The following DNAH9 variants were observed in gnomAD, a reference collection of about 807,000 sequenced individuals.
The protein encoded by DNAH9 is dynein axonemal heavy chain 9, also known as DNAH9 variant protein.
In DNAH9, 345 loss-of-function variants were observed where a neutral mutation model predicts 471.6. That is an observed-to-expected ratio of 0.73 (90% CI 0.67 to 0.80). The LOEUF (loss-of-function observed/expected upper bound fraction) is 0.80. Ranked by LOEUF, DNAH9 falls within the 30% of genes least tolerant of loss-of-function variation. The pLI, the probability that DNAH9 is intolerant of heterozygous loss-of-function variation, is 0.00. For missense variants in DNAH9, 5,407 were observed against 5,609.2 expected, an observed-to-expected ratio of 0.96 and a Z score of 1.15; for synonymous variants, 2,093 against 2,123.6, an observed-to-expected ratio of 0.99 and a Z score of 0.40.
rs1331264630 is a variant in DNAH9, at chr17:11,640,328, G to A, written c.1845G>A (p.Gln615=). ...TGGCTGGCGGCCTCCGCTGGGCACA[G>A]GAGCTGAGGCAGCGCATCCAGGGTC... ...PTVAGGLRWA[Q]ELRQRIQGPF... is the part of the protein sequence containing the mutation. Residue 615 remains glutamine, a synonymous_variant, in exon 10 of 69, where the codon CAG becomes CAA. Coordinates refer to ENST00000262442, the MANE Select transcript of DNAH9 (RefSeq NM_001372.4). 1.9e-6 allele frequency: 3 copies of A among 1,614,010 alleles called. No homozygotes were observed. The highest frequency in any genetic ancestry group is 2.5e-6 in the Non-Finnish European group (3 of 1,179,984).
intron 37 of DNAH9, 95 bp from the exon 38 acceptor site, chr17:11,769,027 G>T: frequency 7.6e-7 from 1 of 1,312,162 alleles, no homozygotes; most frequent in Non-Finnish European, 1.1e-6. Flanking sequence ...CCATCGTGAC[G>T]GAATCCCCTG....
intron 24 of DNAH9, 60 bp downstream of exon 24, chr17:11,701,307 C>G: frequency 1.9e-6 from 3 of 1,576,408 alleles, no homozygotes; most frequent in Non-Finnish European, 2.6e-6. Context: ...CCGCAGCCTC[C>G]CCCAGCCTTC....
chr17:11,647,167 C>G lies in DNAH9; in HGVS notation c.2066C>G (p.Thr689Arg). ...SQPLLKRDPE[T>R]KEITINFNPQ... ...CCACTTCTAAAACGTGACCCAGAGA[C>G]GAAGGAGATCACTATCAACTTTAAC... The change falls in exon 12 of 69, where the codon ACG becomes AGG. Residue 689 changes from threonine (T) to arginine (R), a missense_variant. Coordinates refer to ENST00000262442, the MANE Select transcript of DNAH9 (RefSeq NM_001372.4). 6.2e-7 allele frequency: 1 copy of G among 1,613,908 alleles called. No individual in the cohort carries two copies. Among genetic ancestry groups the G allele is most frequent in the Non-Finnish European group, 8.5e-7 (1 of 1,179,852 alleles).
chr17:11,961,658 C>G (rs1159878599), intron 67 of DNAH9, among the ~76,000 whole-genome samples: 1 of 152,144 alleles, frequency 6.6e-6, no homozygotes, highest in Non-Finnish European at 1.5e-5. Context: ...TTTCAAGGAC[C>G]AGCTTCTGTG....
intron 27 of DNAH9, among the ~76,000 whole-genome samples, chr17:11,725,547 G>T (rs1175562298): frequency 6.7e-6 from 1 of 149,532 alleles, no homozygotes; most frequent in Non-Finnish European, 1.5e-5. Flanking sequence ...GTGAAAGGTG[G>T]GTTTTATTTT....
Position 11,874,941 on chromosome 17 carries a change from T to C in DNAH9, c.10243-8T>C, listed in dbSNP as rs780104620. Reference sequence around the variant, plus strand: ...TCTGAGCGTGGGGTGGTGTTTCTTCTTCACCAGACTCCCATTCCAGTCACC... The same window carrying C: ...TCTGAGCGTGGGGTGGTGTTTCTTCCTCACCAGACTCCCATTCCAGTCACC... On this transcript the variant is annotated splice_region_variant and splice_polypyrimidine_tract_variant and intron_variant, in intron 52 of 68. Coordinates refer to ENST00000262442, the MANE Select transcript of DNAH9 (RefSeq NM_001372.4). 1 of 1,607,478 alleles carries C rather than the reference T, an allele frequency of 6.2e-7. No homozygotes were observed. The highest frequency in any genetic ancestry group is 8.5e-7 in the Non-Finnish European group (1 of 1,174,318).
At chr17:11,647,655 T>C (rs766042948) in intron 12 of DNAH9, among the ~76,000 whole-genome samples, 4 of 152,188 alleles carry the variant, frequency 2.6e-5, no homozygotes, top group Admixed American at 1.3e-4. Flanking sequence ...ATTGACTAGA[T>C]GCTGGAGGGC....
chr17:11,927,520 C>T (rs1974373356), intron 62 of DNAH9, among the ~76,000 whole-genome samples: 1 of 152,166 alleles, frequency 6.6e-6, no homozygotes, highest in Non-Finnish European at 1.5e-5. Context: ...GGAATCCTTT[C>T]GCCATTGCTT....
At chr17:11,792,942 T>C (rs1426388840) in intron 41 of DNAH9, among the ~76,000 whole-genome samples, 1 of 152,198 alleles carries the variant, frequency 6.6e-6, no homozygotes, top group African/African-American at 2.4e-5. Flanking sequence ...CATGGGATCA[T>C]CATGAGTATT....
chr17:11,636,715 A>C lies in DNAH9; in HGVS notation c.1717A>C (p.Met573Leu). 6.2e-7 allele frequency: 1 copy of C among 1,614,022 alleles called. No individual in the cohort carries two copies. The highest frequency in any genetic ancestry group is 8.5e-7 in the Non-Finnish European group (1 of 1,179,882). Reference sequence around the variant, plus strand: ...TGATAAATACCTGGTCCTCATCCAAATGTTCAACAAAGATCTGGATGCAGT... The same window carrying C: ...TGATAAATACCTGGTCCTCATCCAACTGTTCAACAAAGATCTGGATGCAGT... Reference protein sequence around the residue: ...TSDKYLVLIQMFNKDLDAVRM... With the variant: ...TSDKYLVLIQLFNKDLDAVRM... Residue 573 changes from methionine to leucine, a missense_variant, in exon 9 of 69, where the codon ATG becomes CTG. Physicochemically the swap from Met to Leu is conservative, Grantham distance 15. Transcript: ENST00000262442.
chr17:11,620,341 T>C (rs918635183), intron 6 of DNAH9, among the ~76,000 whole-genome samples: 3 of 151,396 alleles, frequency 2.0e-5, no homozygotes, highest in Non-Finnish European at 2.9e-5. Flanking sequence ...GGCGAAATCC[T>C]GTCTCTACTA....
At chr17:11,633,678 A>G (rs189081829) in intron 8 of DNAH9, among the ~76,000 whole-genome samples, 2 of 152,318 alleles carry the variant, frequency 1.3e-5, no homozygotes, top group Non-Finnish European at 2.9e-5. Flanking sequence ...TGTGTCTACA[A>G]AATGATCATG....
At chr17:11,808,871 T>G (rs1969785936) in intron 44 of DNAH9, among the ~76,000 whole-genome samples, 1 of 152,108 alleles carries the variant, frequency 6.6e-6, no homozygotes, top group Admixed American at 6.6e-5. Flanking sequence ...ATGATTCCAA[T>G]GAGAACTGAG....
rs1222435717 is a variant in DNAH9, at chr17:11,677,735, T to C, written c.3354-2022T>C. On this transcript the variant is annotated intron_variant, in intron 17 of 68. Transcript: ENST00000262442. ...TTCCTTTTTTGTCTGCTTTGGGGTA[T>C]AATTTTTCATGTTTTCTTTTATTTT... Among the ~76,000 whole-genome samples the C allele has an allele frequency of 4.6e-5, 7 of 152,120 alleles. No individual in the cohort carries two copies. In the South Asian group the frequency reaches 6.2e-4, roughly 14 times the overall value.
rs1222000160 is a variant in DNAH9 at position 11,881,247 on chromosome 17, C to T, written c.10640C>T (p.Pro3547Leu). The change falls in exon 55 of 69, where the codon CCC becomes CTC. Residue 3547 changes from proline (P) to leucine (L), a missense_variant. Pro to Leu is a moderately conservative substitution (Grantham distance 98, BLOSUM62 -3). Coordinates refer to ENST00000262442, the MANE Select transcript of DNAH9 (RefSeq NM_001372.4). Reference sequence around the variant, plus strand: ...GGAGACAAAGAATGTGAATACAATCCCAAGTTCCGGCTCATCCTCCACACC... The same window carrying T: ...GGAGACAAAGAATGTGAATACAATCTCAAGTTCCGGCTCATCCTCCACACC... ...KIGDKECEYNPKFRLILHTKL... is the reference protein window; with the variant it reads ...KIGDKECEYNLKFRLILHTKL... 6.2e-7 allele frequency: 1 copy of T among 1,614,100 alleles called. No individual in the cohort carries two copies. The highest frequency in any genetic ancestry group is 1.1e-5 in the South Asian group (1 of 91,076).
At chr17:11,640,011 T>C (rs549764091) in intron 9 of DNAH9, among the ~76,000 whole-genome samples, 20 of 152,220 alleles carry the variant, frequency 1.3e-4, no homozygotes, top group African/African-American at 4.8e-4. Context: ...GAAACACTCA[T>C]GGCTGGGCCC....
At chr17:11,871,897 C>A in intron 52 of DNAH9, 111 bp downstream of exon 52, 1 of 1,172,872 alleles carries the variant, frequency 8.5e-7, no homozygotes, top group Non-Finnish European at 1.2e-6. Context: ...TCATCCCCAC[C>A]ACCCCCTGAG....
chr17:11,801,665 T>C (rs915359338), intron 43 of DNAH9, among the ~76,000 whole-genome samples: 1 of 151,970 alleles, frequency 6.6e-6, no homozygotes, highest in Non-Finnish European at 1.5e-5. Context: ...CACTCCAGCC[T>C]GGGCAACAAG....
Position 11,927,548 on chromosome 17 carries a change from C to T in DNAH9, c.11878-2318C>T, listed in dbSNP as rs374656426. On this transcript the variant is annotated intron_variant, in intron 62 of 68. Coordinates refer to ENST00000262442, the MANE Select transcript of DNAH9 (RefSeq NM_001372.4). ...CATTGCTTGTTTTTGTCAGGTTTGTCGAAGATCTGATGGTTGTAGGTGTGC... is the reference window on the plus strand; with the variant it reads ...CATTGCTTGTTTTTGTCAGGTTTGTTGAAGATCTGATGGTTGTAGGTGTGC... 4.4e-4 allele frequency among the ~76,000 whole-genome samples: 67 copies of T among 152,230 alleles called. 6 individuals carry two copies. The highest frequency in any genetic ancestry group is 3.3e-3 in the East Asian group (17 of 5,174).
Sources: allele counts gnomAD v4.1 joint callset (sites outside exome capture counted in the v4.1 genomes callset), GRCh38; gene constraint gnomAD v4.1.1; transcripts MANE v1.5; gene names NCBI Gene and HGNC (gene_info 2026-07-23, HGNC 2026-07-21).